Variants in SLC30A2 observed in about 807,000 individuals in gnomAD.
SLC30A2 encodes the protein proton-coupled zinc antiporter SLC30A2.
A neutral mutation model predicts 39.6 loss-of-function variants in SLC30A2; 19 were observed. That is an observed-to-expected ratio of 0.48 (90% confidence interval 0.34 to 0.70). The LOEUF is 0.70. Ranked by LOEUF, SLC30A2 falls within the 30% of genes least tolerant of loss-of-function variation. SLC30A2 has a pLI of 0.01. For missense variants in SLC30A2, 387 were observed against 479.4 expected, an observed-to-expected ratio of 0.81 and a Z score of 1.80; for synonymous variants, 195 against 194.8, an observed-to-expected ratio of 1.00 and a Z score of -0.01.
intron 4 of SLC30A2, 80 bp downstream of exon 4, chr1:26,043,318 C>A: frequency 1.4e-6 from 2 of 1,456,862 alleles, no homozygotes; most frequent in Non-Finnish European, 1.9e-6. Flanking sequence ...GGCACAGTCT[C>A]TTTCCGCAAA....
chr1:26,043,751 G>A (rs1368381921), intron 3 of SLC30A2, among the ~76,000 whole-genome samples, 200 bp from the exon 4 acceptor site: 1 of 152,176 alleles, frequency 6.6e-6, no homozygotes, highest in Admixed American at 6.5e-5. Context: ...GAGCTAGAAG[G>A]AACTAATAAG....
In SLC30A2 at chr1:26,043,532, G is replaced by C. The variant is rs781055556; in HGVS notation, c.438C>G (p.Val146=). The C allele has an allele frequency of 3.1e-6, 5 of 1,613,914 alleles. No homozygotes were observed. Among genetic ancestry groups the C allele is most frequent in the Non-Finnish European group, 4.2e-6 (5 of 1,179,974 alleles). The change falls in exon 4 of 8, where the codon GTC becomes GTG. Residue 146 remains valine (V), a synonymous_variant. Coordinates refer to ENST00000374276, the MANE Select transcript of SLC30A2 (RefSeq NM_001004434.3). ...TCACGACCCAGATGGACAGTACAGA[G>C]ACCAGGGCTCCCAAGATCTCTGAGG... ...WQRAEILGAL[V]SVLSIWVVTG... is the part of the protein sequence containing the mutation.
At chr1:26,045,521 C>G in intron 1 of SLC30A2, 1 of 591,508 alleles carries the variant, frequency 1.7e-6, no homozygotes, top group South Asian at 2.0e-5. Flanking sequence ...ACAGCAGGCC[C>G]CCTCCAGCGC....
In SLC30A2 at chr1:26,039,382, C is replaced by A; in HGVS notation, c.974-77G>T. On this transcript the variant is annotated intron_variant, in intron 7 of 7. Coordinates refer to ENST00000374276, the MANE Select transcript of SLC30A2 (RefSeq NM_001004434.3). The surrounding 1 kb of genome is among the most constrained non-coding windows in gnomAD (Gnocchi z 4.3). ...AACCATCAGGAGCCCAAATCTCATA[C>A]CCCATCCCCAGCAGAACAGGATGGG... The A allele has an allele frequency of 9.1e-7, 1 of 1,095,500 alleles. No individual in the cohort carries two copies. The highest frequency in any genetic ancestry group is 1.4e-6 in the Non-Finnish European group (1 of 736,520). The allele number at this position is 1,095,500 out of a possible 1,614,324, so 67.9% of individuals were successfully genotyped here. A position where few individuals can be genotyped will look rare whatever the true frequency, so the allele number is the denominator to read the frequency against.
Position 26,045,979 on chromosome 1 carries a change from G to C in SLC30A2, c.-83C>G, listed in dbSNP as rs1365036901. The C allele has an allele frequency of 6.3e-7, 1 of 1,578,260 alleles. No homozygotes were observed. The highest frequency in any genetic ancestry group is 8.5e-7 in the Non-Finnish European group (1 of 1,169,636). ...AGTTGCGCGCGGGACTCCGGGTGGC[G>C]CTCACCCACCTGCCCCGAGGGCCCC... On this transcript the variant is annotated 5_prime_UTR_variant, in exon 1 of 8. Transcript: ENST00000374276.
In SLC30A2 at chr1:26,039,639, C is replaced by G; in HGVS notation, c.973+138G>C. On this transcript the variant is annotated intron_variant, in intron 7 of 7. Coordinates refer to ENST00000374276, the MANE Select transcript of SLC30A2 (RefSeq NM_001004434.3). This position sits in a 1 kb window ranked among gnomAD's most constrained non-coding sequence, Gnocchi z 4.3. ...ATTGTGCTGATCAGATGGAATAATG[C>G]GTATCAAGTACTCAGCATGAGGCTG... 1.2e-6 allele frequency: 1 copy of G among 816,198 alleles called. No individual in the cohort carries two copies. Among genetic ancestry groups the G allele is most frequent in the East Asian group, 2.7e-5 (1 of 37,102 alleles). 50.6% of individuals were successfully genotyped at this position (816,198 alleles called of 1,614,324 possible).
Position 26,039,839 on chromosome 1 carries a change from T to G in SLC30A2, c.911A>C (p.His304Pro). Residue 304 changes from histidine to proline, a missense_variant, in exon 7 of 8, where the codon CAC (histidine) becomes CCC (proline). Coordinates refer to ENST00000374276, the MANE Select transcript of SLC30A2 (RefSeq NM_001004434.3). This position sits in a 1 kb window ranked among gnomAD's most constrained non-coding sequence, Gnocchi z 4.3. Reference sequence around the variant, plus strand: ...CGTCAGTGCCCAGATATGCAGGCTGTGCAGGGCTTCTACCCCCTCCACCGA... The same window carrying G: ...CGTCAGTGCCCAGATATGCAGGCTGGGCAGGGCTTCTACCCCCTCCACCGA... ...LLSVEGVEAL[H>P]SLHIWALTVA... The G allele has an allele frequency of 6.2e-7, 1 of 1,613,992 alleles. No homozygotes were observed. The highest frequency in any genetic ancestry group is 8.5e-7 in the Non-Finnish European group (1 of 1,179,984).
At chr1:26,041,590 C>A in intron 6 of SLC30A2, 110 bp downstream of exon 6, 3 of 691,304 alleles carry the variant, frequency 4.3e-6, no homozygotes, top group Admixed American at 4.9e-5. Flanking sequence ...GGCTCCGGAT[C>A]CTGGCTCCCC....
In SLC30A2 at chr1:26,039,983, G is replaced by A; in HGVS notation, c.839-72C>T. The A allele has an allele frequency of 6.4e-7, 1 of 1,562,628 alleles. No individual in the cohort carries two copies. ...ACGCCTGCCCATTGGTGCAGGGCTG[G>A]CTCCTGATCCTCAGGTGTCATCCCC... On this transcript the variant is annotated intron_variant, in intron 6 of 7. Coordinates refer to ENST00000374276, the MANE Select transcript of SLC30A2 (RefSeq NM_001004434.3). The surrounding 1 kb of genome is among the most constrained non-coding windows in gnomAD (Gnocchi z 4.3).
intron 6 of SLC30A2, among the ~76,000 whole-genome samples, chr1:26,040,858 G>A (rs1418987829): frequency 6.6e-6 from 1 of 151,854 alleles, no homozygotes; most frequent in African/African-American, 2.4e-5. Flanking sequence ...TTGAGAGGCC[G>A]AAGTGAGATG....
At position 26,043,477 on chromosome 1, in the gene SLC30A2, G is replaced by A. The variant is rs772899336; in HGVS notation, c.493C>T (p.Arg165Trp). The change falls in exon 4 of 8, where the codon CGG (arginine) becomes TGG (tryptophan). Residue 165 changes from arginine to tryptophan, a missense_variant. Arg to Trp is a moderately radical substitution (Grantham distance 101). Coordinates refer to ENST00000374276, the MANE Select transcript of SLC30A2 (RefSeq NM_001004434.3). Reference protein sequence around the residue: ...TGVLVYLAVERLISGDYEIDG... With the variant: ...TGVLVYLAVEWLISGDYEIDG... ...ATTTCATAGTCCCCAGAGATCAGCC[G>A]CTCCACAGCCAGGTACACCAGTACC... 3.1e-6 allele frequency: 5 copies of A among 1,613,856 alleles called. No individual in the cohort carries two copies. The African/African-American group carries it at 6.7e-5, about 22-fold the overall frequency.
At chr1:26,045,418 A>G in intron 1 of SLC30A2, 1 of 608,404 alleles carries the variant, frequency 1.6e-6, no homozygotes, top group Admixed American at 2.9e-5. Flanking sequence ...GGGGCCCTTC[A>G]GAGGCCAGAG....
In SLC30A2 at chr1:26,039,566, T is replaced by A. The variant is rs1358838105; in HGVS notation, c.973+211A>T. Among the ~76,000 whole-genome samples the A allele has an allele frequency of 6.6e-6, 1 of 152,244 alleles. No homozygotes were observed. The highest frequency in any genetic ancestry group is 6.5e-5 in the Admixed American group (1 of 15,282). Reference sequence around the variant, plus strand: ...TACTAGCTGTAAAAGCCTGGGCAAGTAACTTTACCACCCAACCCCAGCCTC... The same window carrying A: ...TACTAGCTGTAAAAGCCTGGGCAAGAAACTTTACCACCCAACCCCAGCCTC... On this transcript the variant is annotated intron_variant, in intron 7 of 7. Coordinates refer to ENST00000374276, the MANE Select transcript of SLC30A2 (RefSeq NM_001004434.3). This position sits in a 1 kb window ranked among gnomAD's most constrained non-coding sequence, Gnocchi z 4.3.
At chr1:26,044,638 A>G (rs2050438432) in intron 2 of SLC30A2, among the ~76,000 whole-genome samples, 194 bp from the exon 3 acceptor site, 1 of 152,154 alleles carries the variant, frequency 6.6e-6, no homozygotes, top group Non-Finnish European at 1.5e-5. Flanking sequence ...TGGGCCACCA[A>G]TATCTACTTA....
chr1:26,045,735 T>G (rs1046694675), intron 1 of SLC30A2, 112 bp downstream of exon 1: 5 of 1,546,000 alleles, frequency 3.2e-6, no homozygotes, highest in Non-Finnish European at 4.4e-6. Flanking sequence ...CCACCCCTCC[T>G]GCATGGTCCC....
chr1:26,040,619 G>C (rs2050385381), intron 6 of SLC30A2, among the ~76,000 whole-genome samples: 1 of 152,144 alleles, frequency 6.6e-6, no homozygotes, highest in Non-Finnish European at 1.5e-5. Context: ...CCCAGGGCAC[G>C]ATCATCATCT....
Position 26,045,819 on chromosome 1 carries a change from C to G in SLC30A2, c.50+28G>C, listed in dbSNP as rs1222048339. The G allele has an allele frequency of 5.0e-6, 8 of 1,613,442 alleles. No individual in the cohort carries two copies. In the Admixed American group the frequency reaches 1.3e-4, roughly 27 times the overall value. ...AGGTGCGTCGGCTGCCGCCAAAATTCCCGCCCGTCCCCAGGCTCTCGCCTT... is the reference window on the plus strand; with the variant it reads ...AGGTGCGTCGGCTGCCGCCAAAATTGCCGCCCGTCCCCAGGCTCTCGCCTT... On this transcript the variant is annotated intron_variant, in intron 1 of 7. Coordinates refer to ENST00000374276, the MANE Select transcript of SLC30A2 (RefSeq NM_001004434.3).
At chr1:26,041,625 C>G (rs969738503) in intron 6 of SLC30A2, 75 bp downstream of exon 6, 1 of 879,602 alleles carries the variant, frequency 1.1e-6, no homozygotes, top group Non-Finnish European at 1.9e-6. Flanking sequence ...ATGCCCCAGA[C>G]ACACACATAC....
Position 26,045,455 on chromosome 1 carries a change from A to T in SLC30A2, c.51-238T>A, listed in dbSNP as rs568171126. The T allele has an allele frequency of 1.0e-5, 6 of 598,818 alleles. No homozygotes were observed. In the African/African-American group the frequency reaches 1.1e-4, roughly 11 times the overall value. The allele number at this position is 598,818 out of a possible 1,614,324, so 37.1% of individuals were successfully genotyped here. A position where few individuals can be genotyped will look rare whatever the true frequency, so the allele number is the denominator to read the frequency against. ...AGGTGAAGACCCTGGGAACCGGCCA[A>T]GGGGCGTGCTGTCCAGTGGAGCGCG... On this transcript the variant is annotated intron_variant, in intron 1 of 7. Transcript: ENST00000374276.
Sources: allele counts gnomAD v4.1 joint callset (sites outside exome capture counted in the v4.1 genomes callset), GRCh38; gene constraint gnomAD v4.1.1; non-coding constraint Gnocchi (gnomAD v3.1); transcripts MANE v1.5; gene names NCBI Gene and HGNC (gene_info 2026-07-23, HGNC 2026-07-21).